Variants in CAMTA1 observed in about 807,000 individuals in gnomAD.
CAMTA1 encodes calmodulin-binding transcription activator 1.
In CAMTA1, 27 loss-of-function variants were observed where a neutral mutation model predicts 170.9. The observed-to-expected ratio is 0.16, with a 90% CI of 0.12 to 0.22. CAMTA1 has a LOEUF of 0.22. Among genes scored for constraint, CAMTA1 ranks in the 10% least tolerant of loss-of-function variants. The pLI, the probability that CAMTA1 is intolerant of heterozygous loss-of-function variation, is 1.00. For synonymous variants in CAMTA1, 833 were observed against 891.5 expected (o/e 0.93, Z 1.17); for missense variants, 1,619 against 2,217.2 (o/e 0.73, Z 5.42).
intron 5 of CAMTA1, among the ~76,000 whole-genome samples, chr1:7,272,990 C>T (rs1220835329): frequency 6.6e-6 from 1 of 152,078 alleles, no homozygotes; most frequent in East Asian, 1.9e-4. Flanking sequence ...AGCCAATTAA[C>T]ACACGAAAAT....
At chr1:7,176,629 G>A (rs1447716169) in intron 4 of CAMTA1, among the ~76,000 whole-genome samples, 1 of 152,204 alleles carries the variant, frequency 6.6e-6, no homozygotes, top group East Asian at 1.9e-4. Flanking sequence ...TTAGCCATTG[G>A]GATAGACAGA....
chr1:6,900,182 T>C (rs1237667227), intron 3 of CAMTA1, among the ~76,000 whole-genome samples: 1 of 152,208 alleles, frequency 6.6e-6, no homozygotes, highest in Non-Finnish European at 1.5e-5. Context: ...CATTGCTTGG[T>C]ACATTGGTAG....
intron 3 of CAMTA1, among the ~76,000 whole-genome samples, chr1:6,843,564 T>G (rs531079394): frequency 6.6e-6 from 1 of 152,322 alleles, no homozygotes; most frequent in South Asian, 2.1e-4. Context: ...TGAGAGTAAC[T>G]TAACCATCCT....
rs3222190 is a variant in CAMTA1, at chr1:7,547,348, G to GCACACACACACACA, written c.510+79476_510+79489dup. On this transcript the variant is annotated intron_variant, in intron 6 of 22. Coordinates refer to ENST00000303635, the MANE Select transcript of CAMTA1 (RefSeq NM_015215.4). The surrounding 1 kb of genome is among the most constrained non-coding windows in gnomAD (Gnocchi z 5.7). ...GAGCTGGGGAATATATGTATCATAT[G>GCACACACACACACA]CACACACACACACACACACACACAC... Among the ~76,000 whole-genome samples, 1 of 144,006 alleles carries GCACACACACACACA rather than the reference G, an allele frequency of 6.9e-6. No individual in the cohort carries two copies. The highest frequency in any genetic ancestry group is 2.6e-5 in the African/African-American group (1 of 38,196). 94.5% of individuals were successfully genotyped at this position (144,006 alleles called of 152,430 possible). A position where few individuals can be genotyped will look rare whatever the true frequency, so the allele number is the denominator to read the frequency against.
chr1:7,661,838 C>T lies in CAMTA1; in HGVS notation c.777C>T (p.Thr259=). The T allele has an allele frequency of 6.2e-7, 1 of 1,613,078 alleles. No individual in the cohort carries two copies. Among genetic ancestry groups the T allele is most frequent in the Non-Finnish European group, 8.5e-7 (1 of 1,179,764 alleles). ...DSHQTKPQPR[T]HNCLCTGSLG... is the part of the protein sequence containing the mutation. The stretch of plus-strand genomic sequence containing the variant: ...ACCAGACCAAGCCCCAGCCGCGGAC[C>T]CACAACTGCCTCTGCACCGGCAGCC... Residue 259 remains threonine, a synonymous_variant, in exon 8 of 23, where the codon ACC becomes ACT. Transcript: ENST00000303635.
chr1:7,414,077 T>C (rs1253755146), intron 5 of CAMTA1, among the ~76,000 whole-genome samples: 1 of 152,246 alleles, frequency 6.6e-6, no homozygotes, highest in Non-Finnish European at 1.5e-5. Flanking sequence ...TTGGGTATGT[T>C]GAACCAGCCT....
At chr1:7,505,846 G>A (rs116632858) in intron 6 of CAMTA1, among the ~76,000 whole-genome samples, 2 of 152,156 alleles carry the variant, frequency 1.3e-5, no homozygotes, top group Admixed American at 6.5e-5. Context: ...GTACAGGAGC[G>A]AGGGCTGCTG....
chr1:7,454,172 C>T (rs563093202), intron 5 of CAMTA1, among the ~76,000 whole-genome samples: 4 of 152,312 alleles, frequency 2.6e-5, no homozygotes, highest in East Asian at 3.9e-4. Flanking sequence ...TAAAACAGCC[C>T]GGACTCCTTG....
rs2097037643 is a variant in CAMTA1 at position 7,768,562 on chromosome 1, G to C, written c.*2071G>C. On this transcript the variant is annotated 3_prime_UTR_variant, in exon 23 of 23. Coordinates refer to ENST00000303635, the MANE Select transcript of CAMTA1 (RefSeq NM_015215.4). ...TACAAAAAGATTGTGGTAAAAACTG[G>C]GGTCAGTGCTCTTGGTGCCTTTTCT... 1 of 152,648 alleles carries C rather than the reference G, an allele frequency of 6.6e-6. No homozygotes were observed. The highest frequency in any genetic ancestry group is 1.5e-5 in the Non-Finnish European group (1 of 68,036). The allele number at this position is 152,648 out of a possible 1,614,324, so 9.5% of individuals were successfully genotyped here. A position where few individuals can be genotyped will look rare whatever the true frequency, so the allele number is the denominator to read the frequency against.
intron 3 of CAMTA1, among the ~76,000 whole-genome samples, chr1:7,028,283 G>GCTGTCA (rs1179886934): frequency 1.3e-5 from 2 of 152,236 alleles, no homozygotes; most frequent in African/African-American, 4.8e-5. Flanking sequence ...AAAAGAAAGA[G>GCTGTCA]CTGTCAGGCA....
chr1:7,613,672 G>A (rs1336164307), intron 6 of CAMTA1, among the ~76,000 whole-genome samples: 1 of 151,924 alleles, frequency 6.6e-6, no homozygotes, highest in Non-Finnish European at 1.5e-5. Flanking sequence ...TCGTGATGAA[G>A]TGCCAGATGA....
At chr1:7,122,192 G>T (rs1339414263) in intron 4 of CAMTA1, among the ~76,000 whole-genome samples, 1 of 151,934 alleles carries the variant, frequency 6.6e-6, no homozygotes, top group African/African-American at 2.4e-5. Flanking sequence ...CCCTTGCCCT[G>T]TTCTTCTTTT....
At chr1:6,913,208 T>C (rs1680084201) in intron 3 of CAMTA1, among the ~76,000 whole-genome samples, 1 of 152,214 alleles carries the variant, frequency 6.6e-6, no homozygotes, top group African/African-American at 2.4e-5. Context: ...GTCCATGCCC[T>C]GTCTTTGCTC....
chr1:7,731,571 CAAAAA>C (rs536530455), intron 11 of CAMTA1, among the ~76,000 whole-genome samples: 2 of 87,026 alleles, frequency 2.3e-5, no homozygotes, highest in Non-Finnish European at 2.4e-5. Flanking sequence ...CACTCTGTCT[CAAAAA>C]AAAAAAAAAA....
At chr1:7,491,592 G>A (rs1309921254) in intron 6 of CAMTA1, among the ~76,000 whole-genome samples, 4 of 152,148 alleles carry the variant, frequency 2.6e-5, no homozygotes, top group Non-Finnish European at 4.4e-5. Flanking sequence ...CAAGCACTTC[G>A]GTGATTTTTT....
chr1:7,156,275 CAA>C (rs34284954), intron 4 of CAMTA1, among the ~76,000 whole-genome samples: 36 of 114,714 alleles, frequency 3.1e-4, no homozygotes, highest in Middle Eastern at 5.4e-3. Context: ...AACTCCACCT[CAA>C]AAAAAAAAAA....
In CAMTA1 at chr1:7,526,004, CAAA is replaced by C. The variant is rs917771319; in HGVS notation, c.510+58110_510+58112del. Among the ~76,000 whole-genome samples the C allele has an allele frequency of 2.4e-4, 36 of 149,348 alleles. 1 individual carries two copies. Among genetic ancestry groups the C allele is most frequent in the Non-Finnish European group, 1.2e-4 (8 of 67,264 alleles). ...CATGGGGTACAAATTTAAGGTGGTA[CAAA>C]AAAAAATTGTGAAGCCAAATAATAT... is the stretch of plus-strand genomic sequence containing the variant. On this transcript the variant is annotated intron_variant, in intron 6 of 22. Transcript: ENST00000303635.
At chr1:6,946,188 C>CTTTTTT (rs58150091) in intron 3 of CAMTA1, among the ~76,000 whole-genome samples, 2 of 145,506 alleles carry the variant, frequency 1.4e-5, no homozygotes. Flanking sequence ...TCTTTCTCTT[C>CTTTTTT]TTTTTTTTTT....
Position 7,532,845 on chromosome 1 carries a change from G to A in CAMTA1, c.510+64944G>A, listed in dbSNP as rs550486510. Reference sequence around the variant, plus strand: ...GAGAAACAGGCCAGCAGGGCCCCACGTGCTGAATGTCAAAGGGTGGAATGG... The same window carrying A: ...GAGAAACAGGCCAGCAGGGCCCCACATGCTGAATGTCAAAGGGTGGAATGG... On this transcript the variant is annotated intron_variant, in intron 6 of 22. Coordinates refer to ENST00000303635, the MANE Select transcript of CAMTA1 (RefSeq NM_015215.4). The surrounding 1 kb of genome is among the most constrained non-coding windows in gnomAD (Gnocchi z 4.2). 1.8e-4 allele frequency among the ~76,000 whole-genome samples: 27 copies of A among 152,280 alleles called. 1 individual carries two copies. The highest frequency in any genetic ancestry group is 5.3e-4 in the African/African-American group (22 of 41,568).
Sources: gnomAD v4.1 joint callset for allele counts (sites outside exome capture counted in the v4.1 genomes callset) on GRCh38, gnomAD v4.1.1 for gene constraint, Gnocchi (gnomAD v3.1) non-coding constraint, MANE v1.5 for transcripts, NCBI Gene and HGNC (gene_info 2026-07-23, HGNC 2026-07-21) for gene names.